PRIMA1: variants seen among roughly 807,000 people sequenced by gnomAD.
PRIMA1 encodes the protein proline-rich membrane anchor 1.
A neutral mutation model predicts 17.5 loss-of-function variants in PRIMA1; 7 were observed. That is an observed-to-expected ratio of 0.40 (90% CI 0.23 to 0.75). The LOEUF is 0.75. Ranked by LOEUF, PRIMA1 falls within the 30% of genes least tolerant of loss-of-function variation. The probability of loss-of-function intolerance (pLI) is 0.37; values close to 1 mark genes in which losing one functional copy is unlikely to be tolerated. For synonymous variants in PRIMA1, 97 were observed against 77.9 expected, an observed-to-expected ratio of 1.25 and a Z score of -1.29; for missense variants, 200 against 201.8, an observed-to-expected ratio of 0.99 and a Z score of 0.05.
intron 2 of PRIMA1, 70 bp from the exon 3 acceptor site, chr14:93,779,381 C>G: frequency 7.4e-7 from 1 of 1,343,220 alleles, no homozygotes. Flanking sequence ...GAAACAAGCC[C>G]AGGCCACCCC....
chr14:93,729,223 C>T (rs896240825), intron 4 of PRIMA1, among the ~76,000 whole-genome samples: 8 of 152,246 alleles, frequency 5.3e-5, no homozygotes, highest in Non-Finnish European at 8.8e-5. Context: ...CTCTGAGCAG[C>T]CAAGGCCATG....
chr14:93,787,593 CCTCCCAGCCAG>C (rs1300698616), intron 2 of PRIMA1, 22 bp downstream of exon 2: 5 of 1,538,008 alleles, frequency 3.3e-6, no homozygotes. Context: ...CCCAGGAGGC[CCTCCCAGCCAG>C]TGCGCAGCCG....
In PRIMA1 at chr14:93,726,020, G is replaced by T. The variant is rs559210408; in HGVS notation, c.360-4474C>A. ...ATGGCATGGTTCCTAGAAACCAAGA[G>T]AGAGGTTAGTGAGACTTTCCTTGGC... On this transcript the variant is annotated intron_variant, in intron 4 of 4. Coordinates refer to ENST00000393140, the MANE Select transcript of PRIMA1 (RefSeq NM_178013.4). This position sits in a 1 kb window ranked among gnomAD's most constrained non-coding sequence, Gnocchi z 4.2. The T allele has an allele frequency of 1.3e-5, 6 of 456,656 alleles. No homozygotes were observed. In the East Asian group the frequency reaches 4.2e-4, roughly 32 times the overall value. 28.3% of individuals were successfully genotyped at this position (456,656 alleles called of 1,614,324 possible).
chr14:93,721,901 G>A (rs1274373130), intron 4 of PRIMA1, among the ~76,000 whole-genome samples: 3 of 152,342 alleles, frequency 2.0e-5, no homozygotes, highest in South Asian at 2.1e-4. Flanking sequence ...TGATCTCTTC[G>A]ATCAGGGCAG....
At chr14:93,758,211 CTT>C (rs1272944391) in intron 3 of PRIMA1, among the ~76,000 whole-genome samples, 1 of 152,180 alleles carries the variant, frequency 6.6e-6, no homozygotes, top group African/African-American at 2.4e-5. Context: ...CCAATGAAGT[CTT>C]GACACACATC....
intron 2 of PRIMA1, among the ~76,000 whole-genome samples, chr14:93,787,221 C>T (rs764119225): frequency 5.3e-5 from 8 of 152,224 alleles, no homozygotes. Flanking sequence ...ACACGGCTGC[C>T]TTCCGTGTTG....
At chr14:93,772,436 C>CA (rs1885096492) in intron 3 of PRIMA1, among the ~76,000 whole-genome samples, 1 of 152,278 alleles carries the variant, frequency 6.6e-6, no homozygotes, top group Non-Finnish European at 1.5e-5. Context: ...GCAGGTCTCA[C>CA]AGAGGGCGTG....
intron 2 of PRIMA1, among the ~76,000 whole-genome samples, chr14:93,785,356 G>C (rs2141198987): frequency 6.6e-6 from 1 of 152,274 alleles, no homozygotes; most frequent in East Asian, 1.9e-4. Context: ...TAATGATTAA[G>C]TTTCTTATCA....
intron 3 of PRIMA1, among the ~76,000 whole-genome samples, chr14:93,756,854 CAAT>C (rs2076293787): frequency 6.6e-6 from 1 of 152,142 alleles, no homozygotes; most frequent in Non-Finnish European, 1.5e-5. Context: ...TCCCTCTGTT[CAAT>C]CCAGCAGCAA....
chr14:93,768,289 G>A (rs1308094673), intron 3 of PRIMA1, among the ~76,000 whole-genome samples: 2 of 152,136 alleles, frequency 1.3e-5, no homozygotes, highest in East Asian at 3.8e-4. Flanking sequence ...TTGGCAGCAG[G>A]GGGCCACGGA....
Position 93,726,073 on chromosome 14 carries a change from G to T in PRIMA1, c.360-4527C>A. The T allele has an allele frequency of 4.4e-6, 2 of 456,352 alleles. No individual in the cohort carries two copies. The highest frequency in any genetic ancestry group is 8.8e-6 in the Non-Finnish European group (2 of 226,818). 28.3% of individuals were successfully genotyped at this position (456,352 alleles called of 1,614,324 possible). On this transcript the variant is annotated intron_variant, in intron 4 of 4. Transcript: ENST00000393140. The surrounding 1 kb of genome is among the most constrained non-coding windows in gnomAD (Gnocchi z 4.2). ...CACCCAGGATTCCTGCTTGTAGGAG[G>T]GTGGGCTCTGCCACCTTCAGACTTC... is the stretch of plus-strand genomic sequence containing the variant.
At chr14:93,732,662 G>C (rs929038009) in intron 4 of PRIMA1, among the ~76,000 whole-genome samples, 10 of 152,254 alleles carry the variant, frequency 6.6e-5, no homozygotes, top group Admixed American at 2.0e-4. Flanking sequence ...ACAGTGATCA[G>C]CATTTATACG....
chr14:93,786,361 A>G (rs1333206650), intron 2 of PRIMA1, among the ~76,000 whole-genome samples: 1 of 152,192 alleles, frequency 6.6e-6, no homozygotes, highest in Non-Finnish European at 1.5e-5. Flanking sequence ...AGAGAGCAGA[A>G]GATGGGGCCT....
chr14:93,752,437 CCTCT>C (rs1251359824), intron 3 of PRIMA1, among the ~76,000 whole-genome samples: 3 of 152,144 alleles, frequency 2.0e-5, no homozygotes, highest in Admixed American at 1.3e-4. Flanking sequence ...CCCCTCACTC[CCTCT>C]CTCTTTCAGC....
At chr14:93,763,223 C>G (rs1256580777) in intron 3 of PRIMA1, among the ~76,000 whole-genome samples, 1 of 152,176 alleles carries the variant, frequency 6.6e-6, no homozygotes, top group African/African-American at 2.4e-5. Flanking sequence ...GTCTGCCCCC[C>G]CAGCATTGCC....
intron 3 of PRIMA1, among the ~76,000 whole-genome samples, chr14:93,744,322 A>C (rs540718724): frequency 5.3e-5 from 8 of 152,314 alleles, no homozygotes; most frequent in Admixed American, 2.0e-4. Context: ...GCCTGCTCCC[A>C]CACCGGGTCC....
At chr14:93,745,016 G>A (rs897354178) in intron 3 of PRIMA1, among the ~76,000 whole-genome samples, 11 of 152,146 alleles carry the variant, frequency 7.2e-5, no homozygotes, top group Non-Finnish European at 1.2e-4. Flanking sequence ...CCTGTAGCCC[G>A]GGGCGGGGGT....
chr14:93,736,014 G>A (rs1222540056), intron 4 of PRIMA1, among the ~76,000 whole-genome samples: 5 of 152,150 alleles, frequency 3.3e-5, no homozygotes, highest in Admixed American at 2.0e-4. Flanking sequence ...AGACTAAGCC[G>A]CTACCCAGAG....
At chr14:93,744,006 A>T (rs1457496899) in intron 3 of PRIMA1, among the ~76,000 whole-genome samples, 1 of 152,248 alleles carries the variant, frequency 6.6e-6, no homozygotes, top group Non-Finnish European at 1.5e-5. Context: ...TCACAAGGAC[A>T]GTGTGGGGGC....
Sources: gnomAD v4.1 joint callset for allele counts (sites outside exome capture counted in the v4.1 genomes callset) on GRCh38, gnomAD v4.1.1 for gene constraint, Gnocchi (gnomAD v3.1) non-coding constraint, MANE v1.5 for transcripts, NCBI Gene and HGNC (gene_info 2026-07-23, HGNC 2026-07-21) for gene names.